The following CASTOR2 variants were observed in gnomAD, a reference collection of about 807,000 sequenced individuals.
The protein encoded by CASTOR2 is GATS protein like 2.
CASTOR2 carries 8 observed loss-of-function variants against 31.2 expected under a neutral mutation model. The observed-to-expected ratio is 0.26, with a 90% CI of 0.15 to 0.46. The LOEUF (loss-of-function observed/expected upper bound fraction) is 0.46, where lower values mean the gene tolerates loss of function less well. Among genes scored for constraint, CASTOR2 ranks in the 20% least tolerant of loss-of-function variants. The probability of loss-of-function intolerance (pLI) is 0.99; values close to 1 mark genes in which losing one functional copy is unlikely to be tolerated. For synonymous variants in CASTOR2, 162 were observed against 158.7 expected (o/e 1.02, Z -0.16); for missense variants, 216 against 382.1 (o/e 0.57, Z 3.62).
At position 74,990,405 on chromosome 7, in the gene CASTOR2, A is replaced by C. The variant is rs587649583; in HGVS notation, c.114-17589A>C. On this transcript the variant is annotated intron_variant, in intron 1 of 8. Coordinates refer to ENST00000616305, the MANE Select transcript of CASTOR2 (RefSeq NM_001145064.3). ...CTCAAAAAAAAAAAACAAAAACAAA[A>C]AACAACAACAACAACAAAAAAACAT... is the stretch of plus-strand genomic sequence containing the variant. 2.0e-3 allele frequency among the ~76,000 whole-genome samples: 297 copies of C among 151,722 alleles called. 2 individuals are homozygous for C. Among genetic ancestry groups the C allele is most frequent in the African/African-American group, 6.1e-3 (254 of 41,406 alleles).
chr7:75,015,814 C>T (rs1475856234), intron 2 of CASTOR2, among the ~76,000 whole-genome samples: 1 of 152,060 alleles, frequency 6.6e-6, no homozygotes, highest in Admixed American at 6.6e-5. Flanking sequence ...CGATTGTAAT[C>T]CCAGCCCTTT....
intron 1 of CASTOR2, among the ~76,000 whole-genome samples, chr7:75,003,104 ACACAG>A (rs1325435791): frequency 3.3e-5 from 5 of 152,094 alleles, no homozygotes; most frequent in African/African-American, 9.7e-5. Flanking sequence ...AAGACAAGAA[ACACAG>A]CAGATGTAAT....
intron 1 of CASTOR2, among the ~76,000 whole-genome samples, chr7:74,997,626 A>T (rs1804383211): frequency 6.6e-6 from 1 of 151,902 alleles, no homozygotes; most frequent in African/African-American, 2.4e-5. Context: ...GGTTTTCACC[A>T]TGTTGGCCAG....
chr7:75,019,240 CAG>C, intron 5 of CASTOR2, 145 bp downstream of exon 5: 1 of 1,429,274 alleles, frequency 7.0e-7, no homozygotes, highest in South Asian at 1.3e-5. Flanking sequence ...CTAGTCTGAG[CAG>C]AGAGACATGG....
At chr7:74,974,365 C>T (rs1324020337) in intron 1 of CASTOR2, among the ~76,000 whole-genome samples, 3 of 149,864 alleles carry the variant, frequency 2.0e-5, no homozygotes, top group Non-Finnish European at 4.4e-5. Context: ...GTTTCTGTCC[C>T]GTGGGAGGAA....
chr7:74,990,144 T>G (rs1408271621), intron 1 of CASTOR2, among the ~76,000 whole-genome samples: 1 of 151,856 alleles, frequency 6.6e-6, no homozygotes, highest in Non-Finnish European at 1.5e-5. Flanking sequence ...ATCCCAGCAC[T>G]TTGGGAGGCC....
chr7:74,970,297 C>G (rs1434020734), intron 1 of CASTOR2, among the ~76,000 whole-genome samples: 1 of 145,588 alleles, frequency 6.9e-6, no homozygotes, highest in Non-Finnish European at 1.5e-5. Context: ...TGTGGCTGGA[C>G]TAGGCGAGGA....
At chr7:74,982,156 C>T (rs1202077641) in intron 1 of CASTOR2, among the ~76,000 whole-genome samples, 5 of 146,188 alleles carry the variant, frequency 3.4e-5, no homozygotes, top group Non-Finnish European at 6.0e-5. Flanking sequence ...GAATGTGGAA[C>T]GCTGATAGGG....
chr7:74,966,742 G>A lies in CASTOR2; in HGVS notation c.113+1644G>A, dbSNP rs1175407333. ...TCAAATGAGAATGATGACTCAGGCT[G>A]CGGCTGTGCACAGGGCCTGGGTGCT... On this transcript the variant is annotated intron_variant, in intron 1 of 8. Coordinates refer to ENST00000616305, the MANE Select transcript of CASTOR2 (RefSeq NM_001145064.3). Among the ~76,000 whole-genome samples, 2 of 50,090 alleles carry A rather than the reference G, an allele frequency of 4.0e-5. 1 individual carries two copies. The highest frequency in any genetic ancestry group is 8.0e-5 in the African/African-American group (2 of 25,080). 32.9% of individuals were successfully genotyped at this position (50,090 alleles called of 152,430 possible). A position where few individuals can be genotyped will look rare whatever the true frequency, so the allele number is the denominator to read the frequency against.
chr7:75,027,370 T>G lies in CASTOR2; in HGVS notation c.*2671T>G, dbSNP rs1440022953. On this transcript the variant is annotated 3_prime_UTR_variant, in exon 9 of 9. Coordinates refer to ENST00000616305, the MANE Select transcript of CASTOR2 (RefSeq NM_001145064.3). ...GATCCCGAGGGAGGAGTATTTGGAA[T>G]TTCTTGCTTTTAACCAGAATGCCCC... The G allele has an allele frequency of 6.5e-6, 1 of 152,800 alleles. No homozygotes were observed. The highest frequency in any genetic ancestry group is 2.4e-5 in the African/African-American group (1 of 41,412). 9.5% of individuals were successfully genotyped at this position (152,800 alleles called of 1,614,324 possible).
chr7:74,983,292 G>A (rs1177516145), intron 1 of CASTOR2, among the ~76,000 whole-genome samples: 12 of 150,352 alleles, frequency 8.0e-5, no homozygotes, highest in African/African-American at 2.7e-4. Context: ...GATTACAGGC[G>A]TGAGCCACTA....
At chr7:75,008,429 T>C (rs1369880683) in intron 2 of CASTOR2, among the ~76,000 whole-genome samples, 1 of 152,158 alleles carries the variant, frequency 6.6e-6, no homozygotes, top group Non-Finnish European at 1.5e-5. Context: ...ACATCTTCAG[T>C]CGGGCGCAGT....
intron 2 of CASTOR2, among the ~76,000 whole-genome samples, chr7:75,011,859 C>T (rs1318669677): frequency 2.7e-5 from 4 of 147,702 alleles, no homozygotes; most frequent in East Asian, 4.1e-4. Flanking sequence ...CCCAGCTACT[C>T]GGGAGGCCAA....
At chr7:74,984,885 C>T (rs1224140429) in intron 1 of CASTOR2, among the ~76,000 whole-genome samples, 410 of 152,148 alleles carry the variant, frequency 2.7e-3, no homozygotes, top group Non-Finnish European at 4.3e-3. Context: ...TAATCCCAGC[C>T]CTTTGGGAGG....
chr7:75,001,077 C>A (rs1804484088), intron 1 of CASTOR2, among the ~76,000 whole-genome samples: 2 of 151,862 alleles, frequency 1.3e-5, no homozygotes, highest in Non-Finnish European at 2.9e-5. Context: ...AAGCCTGCAT[C>A]TTTTATTTTA....
intron 1 of CASTOR2, among the ~76,000 whole-genome samples, chr7:74,977,359 C>A (rs1168744262): frequency 1.3e-5 from 2 of 151,434 alleles, no homozygotes; most frequent in African/African-American, 4.9e-5. Context: ...GGGCCATCCA[C>A]GGTGCTAAAT....
At chr7:74,979,372 C>T (rs2131920274) in intron 1 of CASTOR2, among the ~76,000 whole-genome samples, 1 of 149,374 alleles carries the variant, frequency 6.7e-6, no homozygotes, top group East Asian at 2.0e-4. Flanking sequence ...ATTGGAATCC[C>T]CAGTGTCTGA....
At chr7:75,024,141 T>A (rs1805070149) in intron 7 of CASTOR2, among the ~76,000 whole-genome samples, 1 of 151,978 alleles carries the variant, frequency 6.6e-6, no homozygotes. Flanking sequence ...TACAAAAAAA[T>A]TAGCTGGGCA....
intron 1 of CASTOR2, among the ~76,000 whole-genome samples, chr7:74,990,280 C>G (rs1198543044): frequency 6.6e-6 from 1 of 150,584 alleles, no homozygotes; most frequent in East Asian, 2.0e-4. Context: ...CCCAGCTACT[C>G]GGGAGGCTGA....
Sources: allele counts gnomAD v4.1 joint callset (sites outside exome capture counted in the v4.1 genomes callset), GRCh38; gene constraint gnomAD v4.1.1; transcripts MANE v1.5; gene names NCBI Gene and HGNC (gene_info 2026-07-23, HGNC 2026-07-21).